Variants in DST observed in about 807,000 individuals in gnomAD.
DST encodes dystonin.
Under a neutral mutation model 875.2 loss-of-function variants are expected in DST, and 253 were observed. The ratio of observed to expected loss-of-function variants is 0.29; its 90% CI spans 0.26 to 0.32. DST has a LOEUF of 0.32. DST is among the 10% of genes least tolerant of loss of function. The pLI is 1.00. For synonymous variants in DST, 3,124 were observed against 3,197.1 expected, an observed-to-expected ratio of 0.98 and a Z score of 0.77; for missense variants, 8,287 against 9,111.6, an observed-to-expected ratio of 0.91 and a Z score of 3.68.
intron 4 of DST, among the ~76,000 whole-genome samples, chr6:56,819,723 G>GAGCCCTGTTATGTGTC (rs146032168): frequency 6.6e-6 from 1 of 151,404 alleles, no homozygotes; most frequent in Non-Finnish European, 1.5e-5. Context: ...AACATTTATA[G>GAGCCCTGTTATGTGTC]AGGCACTCTG....
intron 15 of DST, chr6:56,643,031 G>T: frequency 1.2e-6 from 1 of 827,472 alleles, no homozygotes; most frequent in Non-Finnish European, 1.8e-6. Flanking sequence ...TTTGTAGCTT[G>T]TATTAAAACC....
Position 56,639,499 on chromosome 6 carries a change from T to A in DST, c.2810A>T (p.Asp937Val), listed in dbSNP as rs2098864411. 1.9e-6 allele frequency: 3 copies of A among 1,613,918 alleles called. No homozygotes were observed. The highest frequency in any genetic ancestry group is 2.7e-5 in the African/African-American group (2 of 75,050). ...TATGTTGGTGTTTCTCTCACTCCAG[T>A]CATAAGCAACTTCCTCCTCTTCTTT... ...NEKEEEEVAY[D>V]WSERNTNIAR... Residue 937 changes from aspartate (D) to valine (V), a missense_variant, in exon 21 of 104, where the codon GAC (aspartate) becomes GTC (valine). Transcript: ENST00000680361.
chr6:56,910,539 CAGTGGCATGCTGT>C (rs1239866531), intron 2 of DST, among the ~76,000 whole-genome samples: 12 of 151,996 alleles, frequency 7.9e-5, no homozygotes, highest in Non-Finnish European at 1.6e-4. Flanking sequence ...GGCTGGAGTA[CAGTGGCATGCTGT>C]CAGCTCACTG....
intron 82 of DST, among the ~76,000 whole-genome samples, chr6:56,495,261 A>G (rs1583097793): frequency 6.6e-6 from 1 of 151,948 alleles, no homozygotes. Context: ...AATCAAAAGA[A>G]CTTTATTGAA....
chr6:56,634,068 GAC>G (rs766342400), intron 27 of DST, 62 bp downstream of exon 27: 136 of 1,585,090 alleles, frequency 8.6e-5, no homozygotes, highest in Non-Finnish European at 1.1e-4. Context: ...CAAACTCTAC[GAC>G]ACATATGAAA....
chr6:56,631,960 G>A lies in DST; in HGVS notation c.3886C>T (p.Arg1296Trp), dbSNP rs200853096. 53 of 1,613,172 alleles carry A rather than the reference G, an allele frequency of 3.3e-5. No individual in the cohort carries two copies. The highest frequency in any genetic ancestry group is 3.1e-5 in the Non-Finnish European group (36 of 1,179,330). ...GGAGTTCGAATCTGTCTAATCAGCC[G>A]ATCTTCACAGTTCTCTAACCGAAGT... ...IRLRLENCED[R>W]LIRQIRTPLE... The change falls in exon 29 of 104, where the codon CGG (arginine) becomes TGG (tryptophan). Residue 1296 changes from arginine to tryptophan, a missense_variant. This residue lies in a region of DST where 3,138 missense variants were observed against 3,116.6 expected (regional missense o/e 1.01). Transcript: ENST00000680361.
intron 67 of DST, 26 bp downstream of exon 67, chr6:56,528,815 A>ATGATT: frequency 7.2e-7 from 1 of 1,397,930 alleles, no homozygotes; most frequent in Non-Finnish European, 9.9e-7. Flanking sequence ...TGACCACATG[A>ATGATT]TGATTTGATT....
intron 4 of DST, among the ~76,000 whole-genome samples, chr6:56,811,423 G>A (rs778891847): frequency 6.6e-6 from 1 of 152,128 alleles, no homozygotes; most frequent in East Asian, 1.9e-4. Flanking sequence ...GAAGTAAAAC[G>A]TCAGGATGCT....
chr6:56,753,781 GA>G (rs1227496563), intron 4 of DST, among the ~76,000 whole-genome samples: 1 of 152,006 alleles, frequency 6.6e-6, no homozygotes, highest in Admixed American at 6.6e-5. Flanking sequence ...AAATGTTTAG[GA>G]AAAAAATGAA....
chr6:56,512,053 CTA>C (rs201155576), intron 72 of DST, among the ~76,000 whole-genome samples: 1 of 151,560 alleles, frequency 6.6e-6, no homozygotes. Context: ...TGAATCTATT[CTA>C]TATATATATG....
Position 56,639,301 on chromosome 6 carries a change from C to T in DST, c.2922G>A (p.Glu974=). ...ENIKSVQEIA[E]QLLLENHPAR... is the part of the protein sequence containing the mutation. Reference sequence around the variant, plus strand: ...CTGGATGATTTTCTAGAAGTAGCTGCTCTGCTATCTCCTGAACTGATTTAA... The same window carrying T: ...CTGGATGATTTTCTAGAAGTAGCTGTTCTGCTATCTCCTGAACTGATTTAA... Residue 974 remains glutamate, a synonymous_variant, in exon 22 of 104, where the codon GAG becomes GAA. Coordinates refer to ENST00000680361, the MANE Select transcript of DST (RefSeq NM_001374736.1). 1 of 1,613,826 alleles carries T rather than the reference C, an allele frequency of 6.2e-7. No homozygotes were observed. Among genetic ancestry groups the T allele is most frequent in the Non-Finnish European group, 8.5e-7 (1 of 1,179,830 alleles).
intron 36 of DST, chr6:56,616,913 G>A (rs1461243082): frequency 1.2e-6 from 2 of 1,609,848 alleles, no homozygotes; most frequent in Admixed American, 1.7e-5. Context: ...TGTCTGACCT[G>A]AAATGGGATC....
At position 56,633,019 on chromosome 6, in the gene DST, C is replaced by G; in HGVS notation, c.3640G>C (p.Gly1214Arg). 1 of 1,613,878 alleles carries G rather than the reference C, an allele frequency of 6.2e-7. No individual in the cohort carries two copies. Among genetic ancestry groups the G allele is most frequent in the Middle Eastern group, 1.7e-4 (1 of 6,058 alleles). ...TTACTTAGAACTTGCTGATGTTCAC[C>G]AGGTAGCATTGTCTTTATCTAAAGA... ...NVASIKTMLP[G>R]EHQQVLSNLQ... is the part of the protein sequence containing the mutation. The change falls in exon 28 of 104, where the codon GGT (glycine) becomes CGT (arginine). Residue 1214 changes from glycine to arginine, a missense_variant. Physicochemically the swap from Gly to Arg is moderately radical, Grantham distance 125. Transcript: ENST00000680361.
chr6:56,872,046 A>C (rs1295545215), intron 3 of DST, among the ~76,000 whole-genome samples: 1 of 152,196 alleles, frequency 6.6e-6, no homozygotes, highest in African/African-American at 2.4e-5. Flanking sequence ...CAGCGATTCT[A>C]CTAAGAATTG....
intron 4 of DST, among the ~76,000 whole-genome samples, chr6:56,777,622 CAAG>C (rs900757316): frequency 6.6e-6 from 1 of 151,992 alleles, no homozygotes; most frequent in African/African-American, 2.4e-5. Flanking sequence ...CCAAAAGGCA[CAAG>C]AAGGCATAAA....
At chr6:56,509,601 A>AG in intron 74 of DST, 41 bp downstream of exon 74, 1 of 1,480,418 alleles carries the variant, frequency 6.8e-7, no homozygotes, top group South Asian at 1.2e-5. Context: ...ATAAACATTT[A>AG]GAATGCTTTA....
In DST at chr6:56,603,593, C is replaced by A. The variant is rs1241510268; in HGVS notation, c.10912G>T (p.Ala3638Ser). Reference sequence around the variant, plus strand: ...AACTGTCTAAGTTGATTCTTCAAAGCTTCCAAGTTGTTATCCAGAGATTCC... The same window carrying A: ...AACTGTCTAAGTTGATTCTTCAAAGATTCCAAGTTGTTATCCAGAGATTCC... ...NQESLDNNLEALKNQLRQLET... is the reference protein window; with the variant it reads ...NQESLDNNLESLKNQLRQLET... The change falls in exon 41 of 104, where the codon GCT (alanine) becomes TCT (serine). Residue 3638 changes from alanine to serine, a missense_variant. Ala to Ser is a moderately conservative substitution (Grantham distance 99). Transcript: ENST00000680361. The A allele has an allele frequency of 1.9e-6, 3 of 1,609,614 alleles. No individual in the cohort carries two copies. In the Admixed American group the frequency reaches 5.0e-5, roughly 27 times the overall value.
intron 2 of DST, among the ~76,000 whole-genome samples, chr6:56,935,300 C>T (rs1333272084): frequency 2.6e-5 from 4 of 152,178 alleles, no homozygotes; most frequent in East Asian, 1.9e-4. Flanking sequence ...GCCCCACAAC[C>T]GTTTTTAAAA....
At chr6:56,514,507 C>A (rs1239511800) in intron 72 of DST, among the ~76,000 whole-genome samples, 4 of 151,532 alleles carry the variant, frequency 2.6e-5, no homozygotes, top group African/African-American at 9.7e-5. Flanking sequence ...ATGTAATAAA[C>A]CCTGAATTGA....
Sources: allele counts gnomAD v4.1 joint callset (sites outside exome capture counted in the v4.1 genomes callset), GRCh38; gene constraint gnomAD v4.1.1; regional missense constraint gnomAD v4.1.1; transcripts MANE v1.5; gene names NCBI Gene and HGNC (gene_info 2026-07-23, HGNC 2026-07-21).